Variants in RBFOX1 observed in about 807,000 individuals in gnomAD.
RBFOX1 encodes the protein RNA binding protein fox-1 homolog 1.
Under a neutral mutation model 57.7 loss-of-function variants are expected in RBFOX1, and 8 were observed. The ratio of observed to expected loss-of-function variants is 0.14; its 90% CI spans 0.08 to 0.25. RBFOX1 has a LOEUF of 0.25. RBFOX1 is among the 10% of genes least tolerant of loss of function. RBFOX1 has a pLI of 1.00. For missense variants in RBFOX1, 611 were observed against 548.5 expected (o/e 1.11, Z -1.14); for synonymous variants, 326 against 222.4 (o/e 1.47, Z -4.15).
chr16:5,670,824 G>A (rs935565269), intron 3 of RBFOX1, among the ~76,000 whole-genome samples: 1 of 152,178 alleles, frequency 6.6e-6, no homozygotes, highest in Admixed American at 6.5e-5. Flanking sequence ...AGTACTGACT[G>A]TCTCCTAGCA....
At chr16:6,887,948 C>G (rs758264510) in intron 3 of RBFOX1, among the ~76,000 whole-genome samples, 2 of 152,092 alleles carry the variant, frequency 1.3e-5, no homozygotes, top group Non-Finnish European at 2.9e-5. Flanking sequence ...AGGTGTGAGC[C>G]ACCACGCCTG....
rs140510911 is a variant in RBFOX1 at position 7,357,974 on chromosome 16, C to T, written c.28-160173C>T. 3.2e-3 allele frequency among the ~76,000 whole-genome samples: 484 copies of T among 152,232 alleles called. 1 individual carries two copies. The highest frequency in any genetic ancestry group is 6.6e-3 in the South Asian group (32 of 4,822). ...CTGTCTTAATAGGGAGGGTTACTTT[C>T]ATCTGCCTGAGAATCACGTTATCTT... On this transcript the variant is annotated intron_variant, in intron 4 of 15. Transcript: ENST00000550418.
At position 5,812,505 on chromosome 16, in the gene RBFOX1, C is replaced by T. The variant is rs557520252; in HGVS notation, c.319-54798C>T. On this transcript the variant is annotated intron_variant, in intron 3 of 19. Transcript: ENST00000641259. ...TTGGGGTCTCACTCTATCACTCAGGCGGGAGTGCAGTGGTGCAGTCGTAGC... is the reference window on the plus strand; with the variant it reads ...TTGGGGTCTCACTCTATCACTCAGGTGGGAGTGCAGTGGTGCAGTCGTAGC... Among the ~76,000 whole-genome samples the T allele has an allele frequency of 2.7e-5, 4 of 148,468 alleles. No homozygotes were observed. The East Asian group carries it at 5.9e-4, about 22-fold the overall frequency.
At chr16:6,287,136 G>T (rs1021132583) in intron 1 of RBFOX1, among the ~76,000 whole-genome samples, 8 of 152,250 alleles carry the variant, frequency 5.3e-5, no homozygotes, top group Admixed American at 1.3e-4. Context: ...AGAGTCATTT[G>T]ATCATTACCA....
intron 2 of RBFOX1, among the ~76,000 whole-genome samples, chr16:6,604,188 G>A (rs1228105472): frequency 6.6e-6 from 1 of 151,528 alleles, no homozygotes; most frequent in Non-Finnish European, 1.5e-5. Flanking sequence ...GATCAACCCA[G>A]CAATTCCTAC....
chr16:5,457,911 A>T (rs2068678598), intron 1 of RBFOX1, among the ~76,000 whole-genome samples: 1 of 152,170 alleles, frequency 6.6e-6, no homozygotes, highest in Non-Finnish European at 1.5e-5. Context: ...CTATATGAAT[A>T]AACGAAAGCC....
chr16:5,365,647 G>A, intron 1 of RBFOX1: 1 of 311,918 alleles, frequency 3.2e-6, no homozygotes, highest in Non-Finnish European at 6.1e-6. Context: ...CAGCCTGGGT[G>A]ACGGAGTAAG....
At chr16:6,118,662 T>G (rs1374450461) in intron 1 of RBFOX1, among the ~76,000 whole-genome samples, 1 of 149,852 alleles carries the variant, frequency 6.7e-6, no homozygotes, top group Admixed American at 6.6e-5. Flanking sequence ...TTCCCTCTCC[T>G]TCCTTCCTTC....
intron 4 of RBFOX1, among the ~76,000 whole-genome samples, chr16:7,180,171 A>G (rs753707642): frequency 6.9e-6 from 1 of 145,536 alleles, no homozygotes; most frequent in Admixed American, 6.8e-5. Context: ...TATTATTATA[A>G]TATAATAATA....
intron 4 of RBFOX1, among the ~76,000 whole-genome samples, chr16:5,991,108 C>A (rs1045869170): frequency 1.3e-5 from 2 of 152,212 alleles, no homozygotes; most frequent in East Asian, 1.9e-4. Flanking sequence ...GTGCTTGGCT[C>A]CCCTTGCCCC....
At chr16:6,945,030 C>G (rs1235075698) in intron 3 of RBFOX1, among the ~76,000 whole-genome samples, 1 of 152,142 alleles carries the variant, frequency 6.6e-6, no homozygotes, top group Non-Finnish European at 1.5e-5. Context: ...CTTATCTTAA[C>G]ATTCTGAATC....
intron 3 of RBFOX1, among the ~76,000 whole-genome samples, chr16:6,691,278 G>A (rs895850149): frequency 2.0e-5 from 3 of 152,086 alleles, no homozygotes; most frequent in Admixed American, 6.6e-5. Flanking sequence ...CGATGTGTGC[G>A]TGCTGCAGAG....
chr16:5,525,324 C>G (rs1289491428), intron 2 of RBFOX1, among the ~76,000 whole-genome samples: 1 of 151,894 alleles, frequency 6.6e-6, no homozygotes, highest in Non-Finnish European at 1.5e-5. Context: ...TTTATAGGAA[C>G]CCTTCCTCTT....
intron 4 of RBFOX1, among the ~76,000 whole-genome samples, chr16:7,285,805 C>G (rs991977281): frequency 3.9e-5 from 6 of 152,162 alleles, no homozygotes; most frequent in Admixed American, 2.0e-4. Flanking sequence ...TGGACTAACT[C>G]CTGGATTTAG....
intron 4 of RBFOX1, among the ~76,000 whole-genome samples, chr16:7,357,479 T>G (rs2097239196): frequency 6.6e-6 from 1 of 152,164 alleles, no homozygotes; most frequent in African/African-American, 2.4e-5. Flanking sequence ...CCTCACCTTT[T>G]TGCCCTACAA....
At chr16:6,907,044 A>T (rs1237001986) in intron 3 of RBFOX1, among the ~76,000 whole-genome samples, 1 of 144,856 alleles carries the variant, frequency 6.9e-6, no homozygotes, top group Non-Finnish European at 1.5e-5. Context: ...AATTTAAAAC[A>T]TAATAATTGT....
At chr16:7,187,904 A>G (rs1304643511) in intron 4 of RBFOX1, among the ~76,000 whole-genome samples, 1 of 152,158 alleles carries the variant, frequency 6.6e-6, no homozygotes, top group Non-Finnish European at 1.5e-5. Flanking sequence ...TGTCAAGTGA[A>G]CAAAGTGGTT....
At chr16:5,294,475 G>A (rs1272798267) in intron 1 of RBFOX1, among the ~76,000 whole-genome samples, 6 of 152,094 alleles carry the variant, frequency 3.9e-5, no homozygotes, top group African/African-American at 1.4e-4. Flanking sequence ...ACATCTTTGA[G>A]GGGTAATTTT....
At chr16:7,622,602 A>T (rs1289019633) in intron 10 of RBFOX1, among the ~76,000 whole-genome samples, 2 of 148,280 alleles carry the variant, frequency 1.3e-5, no homozygotes, top group African/African-American at 2.6e-5. Flanking sequence ...GCAAAAAGAA[A>T]ACAAACAAGA....
Sources: allele counts gnomAD v4.1 joint callset (sites outside exome capture counted in the v4.1 genomes callset), GRCh38; gene constraint gnomAD v4.1.1; transcripts MANE v1.5; gene names NCBI Gene and HGNC (gene_info 2026-07-23, HGNC 2026-07-21).